The following NECTIN2 variants were observed in gnomAD, a reference collection of about 807,000 sequenced individuals.
The protein encoded by NECTIN2 is nectin cell adhesion molecule 2.
A neutral mutation model predicts 56.9 loss-of-function variants in NECTIN2; 23 were observed. The observed-to-expected ratio is 0.40, with a 90% CI of 0.29 to 0.57. The LOEUF is 0.57. NECTIN2 is among the 20% of genes least tolerant of loss of function. The pLI is 0.38. For synonymous variants in NECTIN2, 302 were observed against 313.8 expected, an observed-to-expected ratio of 0.96 and a Z score of 0.40; for missense variants, 587 against 718.3, an observed-to-expected ratio of 0.82 and a Z score of 2.09.
chr19:44,865,719 C>T lies in NECTIN2; in HGVS notation c.478+59C>T. On this transcript the variant is annotated intron_variant, in intron 2 of 8. Coordinates refer to ENST00000252483, the MANE Select transcript of NECTIN2 (RefSeq NM_001042724.2). This position sits in a 1 kb window ranked among gnomAD's most constrained non-coding sequence, Gnocchi z 5.2. Reference sequence around the variant, plus strand: ...GGAGGGCCGCGGTGTGGGAGCATCCCCTTGCGGGTCAGTTTCTCTCTTGGC... The same window carrying T: ...GGAGGGCCGCGGTGTGGGAGCATCCTCTTGCGGGTCAGTTTCTCTCTTGGC... 7.0e-7 allele frequency: 1 copy of T among 1,438,604 alleles called. No individual in the cohort carries two copies. Among genetic ancestry groups the T allele is most frequent in the Non-Finnish European group, 9.1e-7 (1 of 1,093,412 alleles). 89.1% of individuals were successfully genotyped at this position (1,438,604 alleles called of 1,614,324 possible).
In NECTIN2 at chr19:44,871,947, T is replaced by C; in HGVS notation, c.573T>C (p.Pro191=). ...ALCISKEGRP[P]ARISWLSSLD... is the part of the protein sequence containing the mutation. ...GCATCTCCAAAGAGGGCCGCCCACC[T>C]GCCCGGATCTCCTGGCTCTCATCCC... is the stretch of plus-strand genomic sequence containing the variant. Residue 191 remains proline (P), a synonymous_variant, in exon 3 of 9, where the codon CCT becomes CCC. Coordinates refer to ENST00000252483, the MANE Select transcript of NECTIN2 (RefSeq NM_001042724.2). 6.2e-7 allele frequency: 1 copy of C among 1,614,148 alleles called. No homozygotes were observed. Among genetic ancestry groups the C allele is most frequent in the Non-Finnish European group, 8.5e-7 (1 of 1,180,020 alleles).
intron 1 of NECTIN2, among the ~76,000 whole-genome samples, chr19:44,856,922 C>G (rs943305763): frequency 1.5e-4 from 23 of 152,208 alleles, no homozygotes; most frequent in African/African-American, 4.8e-4. Context: ...TGGCCTGCAG[C>G]AGGCGGCTGA....
At chr19:44,858,895 G>A (rs373396384) in intron 1 of NECTIN2, among the ~76,000 whole-genome samples, 282 of 152,098 alleles carry the variant, frequency 1.9e-3, no homozygotes, top group African/African-American at 6.6e-3. Flanking sequence ...CTCCTGCCTC[G>A]GCCTCCCAAA....
At chr19:44,872,787 G>C (rs936652441) in intron 3 of NECTIN2, among the ~76,000 whole-genome samples, 1 of 143,104 alleles carries the variant, frequency 7.0e-6, no homozygotes, top group Non-Finnish European at 1.5e-5. Flanking sequence ...TATTTACATT[G>C]TATTTATTAT....
intron 5 of NECTIN2, among the ~76,000 whole-genome samples, chr19:44,877,708 G>GT (rs1969255745): frequency 6.6e-6 from 1 of 152,156 alleles, no homozygotes; most frequent in Non-Finnish European, 1.5e-5. Context: ...TCATAGCTTT[G>GT]TGAGGACCCC....
chr19:44,859,973 G>A lies in NECTIN2; in HGVS notation c.89-5298G>A, dbSNP rs139333162. 6.6e-5 allele frequency among the ~76,000 whole-genome samples: 10 copies of A among 152,344 alleles called. No individual in the cohort carries two copies. In the East Asian group the frequency reaches 1.9e-3, roughly 29 times the overall value. On this transcript the variant is annotated intron_variant, in intron 1 of 8. Coordinates refer to ENST00000252483, the MANE Select transcript of NECTIN2 (RefSeq NM_001042724.2). ...ACAACCTCAATGCCTATCAGCGGCT[G>A]AATGGATAAACAAAATGTGGTCCGT...
At chr19:44,873,827 G>T in intron 3 of NECTIN2, 89 bp from the exon 4 acceptor site, 1 of 999,958 alleles carries the variant, frequency 1.0e-6, no homozygotes, top group Non-Finnish European at 1.6e-6. Context: ...AACCCGCCCC[G>T]TTTCTTTAGC....
chr19:44,885,863 G>GC, intron 6 of NECTIN2, 74 bp from the exon 7 acceptor site: 1 of 1,246,218 alleles, frequency 8.0e-7, no homozygotes, highest in East Asian at 2.3e-5. Context: ...AGAGGGAACA[G>GC]CATGTGCCAT....
Position 44,867,113 on chromosome 19 carries a change from G to C in NECTIN2, c.478+1453G>C, listed in dbSNP as rs573843325. Among the ~76,000 whole-genome samples the C allele has an allele frequency of 1.3e-3, 203 of 152,034 alleles. 1 individual carries two copies. Among genetic ancestry groups the C allele is most frequent in the African/African-American group, 4.8e-3 (198 of 41,488 alleles). On this transcript the variant is annotated intron_variant, in intron 2 of 8. Coordinates refer to ENST00000252483, the MANE Select transcript of NECTIN2 (RefSeq NM_001042724.2). ...GGCTCACTGCAACCTCCGCCTCCCA[G>C]GTTCAACCAATTCTCCTGCCTCAGC...
At chr19:44,855,078 G>GCA (rs1968949128) in intron 1 of NECTIN2, among the ~76,000 whole-genome samples, 1 of 124,938 alleles carries the variant, frequency 8.0e-6, no homozygotes, top group Admixed American at 8.7e-5. Flanking sequence ...AGATCGCGCT[G>GCA]CTGCACTCCA....
chr19:44,870,456 G>A (rs1969160179), intron 2 of NECTIN2, among the ~76,000 whole-genome samples: 1 of 152,156 alleles, frequency 6.6e-6, no homozygotes, highest in East Asian at 1.9e-4. Context: ...AACAGAAGAT[G>A]TGAGTCTGGG....
chr19:44,857,951 G>T (rs931185331), intron 1 of NECTIN2, among the ~76,000 whole-genome samples: 1 of 152,174 alleles, frequency 6.6e-6, no homozygotes, highest in African/African-American at 2.4e-5. Context: ...CAGAAAAAAA[G>T]ATAACAGAAG....
intron 1 of NECTIN2, among the ~76,000 whole-genome samples, chr19:44,848,843 G>C (rs1445303580): frequency 6.6e-6 from 1 of 151,846 alleles, no homozygotes; most frequent in African/African-American, 2.4e-5. Context: ...TACCTGTCTA[G>C]CTCCACTGCC....
At position 44,875,499 on chromosome 19, in the gene NECTIN2, C is replaced by T. The variant is rs1969226779; in HGVS notation, c.1042+1021C>T. The stretch of plus-strand genomic sequence containing the variant: ...CAGGCTGGTCTCGAACTGCTGACCT[C>T]AGGTGATCCACCCGCCTCGGCCTCA... On this transcript the variant is annotated intron_variant, in intron 5 of 8. Coordinates refer to ENST00000252483, the MANE Select transcript of NECTIN2 (RefSeq NM_001042724.2). This position sits in a 1 kb window ranked among gnomAD's most constrained non-coding sequence, Gnocchi z 4.2. Among the ~76,000 whole-genome samples, 1 of 152,192 alleles carries T rather than the reference C, an allele frequency of 6.6e-6. No individual in the cohort carries two copies. Among genetic ancestry groups the T allele is most frequent in the Non-Finnish European group, 1.5e-5 (1 of 68,038 alleles).
At chr19:44,878,394 G>A (rs1374480663) in intron 5 of NECTIN2, 12 of 1,559,784 alleles carry the variant, frequency 7.7e-6, no homozygotes, top group East Asian at 2.4e-5. Flanking sequence ...AGTGGCGACG[G>A]GGGATTCTAC....
rs1054755945 is a variant in NECTIN2 at position 44,865,198 on chromosome 19, G to A, written c.89-73G>A. 6 of 1,458,560 alleles carry A rather than the reference G, an allele frequency of 4.1e-6. No homozygotes were observed. In the African/African-American group the frequency reaches 4.2e-5, roughly 10 times the overall value. 90.4% of individuals were successfully genotyped at this position (1,458,560 alleles called of 1,614,324 possible). A position where few individuals can be genotyped will look rare whatever the true frequency, so the allele number is the denominator to read the frequency against. On this transcript the variant is annotated intron_variant, in intron 1 of 8. Transcript: ENST00000252483. The surrounding 1 kb of genome is among the most constrained non-coding windows in gnomAD (Gnocchi z 5.2). ...CTGCATTTCCCGTGGGGCCCCCTTC[G>A]TGGTGGCCCTGCCTGGAGGTGTCTG...
chr19:44,846,924 A>T (rs1968842251), intron 1 of NECTIN2, among the ~76,000 whole-genome samples: 1 of 151,342 alleles, frequency 6.6e-6, no homozygotes, highest in African/African-American at 2.4e-5. Flanking sequence ...GTTAAATCCC[A>T]GGAAGGCCTG....
intron 5 of NECTIN2, among the ~76,000 whole-genome samples, chr19:44,876,590 C>T (rs1304562360): frequency 6.6e-6 from 1 of 152,166 alleles, no homozygotes; most frequent in East Asian, 1.9e-4. Context: ...ACACTCAAAG[C>T]TCCTGGGGTC....
intron 2 of NECTIN2, among the ~76,000 whole-genome samples, chr19:44,869,417 C>A (rs1267162212): frequency 6.6e-6 from 1 of 151,614 alleles, no homozygotes; most frequent in African/African-American, 2.4e-5. Flanking sequence ...ACGGTGAAAC[C>A]CTGTCTCTAC....
Sources: allele counts gnomAD v4.1 joint callset (sites outside exome capture counted in the v4.1 genomes callset), GRCh38; gene constraint gnomAD v4.1.1; non-coding constraint Gnocchi (gnomAD v3.1); transcripts MANE v1.5; gene names NCBI Gene and HGNC (gene_info 2026-07-23, HGNC 2026-07-21).